Variants in PTPRT observed in about 807,000 individuals in gnomAD.
PTPRT encodes the protein receptor-type tyrosine-protein phosphatase T.
A neutral mutation model predicts 176.8 loss-of-function variants in PTPRT; 56 were observed. The ratio of observed to expected loss-of-function variants is 0.32; its 90% confidence interval spans 0.26 to 0.40. The LOEUF (loss-of-function observed/expected upper bound fraction) is 0.40, where lower values mean the gene tolerates loss of function less well. Ranked by LOEUF, PTPRT falls within the 10% of genes least tolerant of loss-of-function variation. PTPRT has a pLI of 1.00. For missense variants in PTPRT, 1,540 were observed against 1,908.2 expected (o/e 0.81, Z 3.60); for synonymous variants, 783 against 739.0 (o/e 1.06, Z -0.96).
At chr20:42,710,875 G>A (rs184573044) in intron 6 of PTPRT, among the ~76,000 whole-genome samples, 2 of 152,368 alleles carry the variant, frequency 1.3e-5, no homozygotes, top group East Asian at 3.9e-4. Context: ...GGACAGGAAT[G>A]CCCAAGGCCT....
chr20:42,316,606 T>C (rs921543899), intron 11 of PTPRT, among the ~76,000 whole-genome samples: 8 of 152,198 alleles, frequency 5.3e-5, no homozygotes, highest in East Asian at 1.9e-4. Flanking sequence ...AATTATACAA[T>C]CTGAACTCCT....
intron 7 of PTPRT, among the ~76,000 whole-genome samples, chr20:42,527,192 T>C (rs1270114512): frequency 6.6e-6 from 1 of 152,032 alleles, no homozygotes; most frequent in Non-Finnish European, 1.5e-5. Context: ...CTCTATCTCC[T>C]GACCTCGTGA....
At chr20:42,222,664 T>C (rs2055912286) in intron 15 of PTPRT, among the ~76,000 whole-genome samples, 1 of 152,372 alleles carries the variant, frequency 6.6e-6, no homozygotes, top group African/African-American at 2.4e-5. Flanking sequence ...GGTTCCTGGA[T>C]GGTGGTGCCC....
At chr20:42,363,278 A>G (rs1315877449) in intron 9 of PTPRT, among the ~76,000 whole-genome samples, 1 of 15,612 alleles carries the variant, frequency 6.4e-5, no homozygotes, top group African/African-American at 2.6e-4. Flanking sequence ...AATTATATAT[A>G]TATATATATA....
chr20:42,171,908 C>T (rs558166827), intron 16 of PTPRT, among the ~76,000 whole-genome samples: 5 of 152,008 alleles, frequency 3.3e-5, no homozygotes, highest in East Asian at 1.9e-4. Flanking sequence ...CCACTAAAGA[C>T]GAACTCATAG....
At chr20:42,408,873 T>G (rs2058986281) in intron 9 of PTPRT, among the ~76,000 whole-genome samples, 1 of 152,232 alleles carries the variant, frequency 6.6e-6, no homozygotes. Flanking sequence ...TGATAAGGGT[T>G]GCTCTGCGCT....
the PTPRT span, among the ~76,000 whole-genome samples, chr20:42,041,906 C>T: frequency 6.6e-6 from 1 of 152,184 alleles, no homozygotes; most frequent in Non-Finnish European, 1.5e-5. Flanking sequence ...CTAGCTCCTT[C>T]CTTCCTATGC....
chr20:42,631,806 C>G (rs936135916), intron 7 of PTPRT, among the ~76,000 whole-genome samples: 13 of 152,078 alleles, frequency 8.5e-5, no homozygotes, highest in African/African-American at 2.9e-4. Context: ...CAAGGTTAAC[C>G]CAGTGGACTT....
intron 9 of PTPRT, among the ~76,000 whole-genome samples, chr20:42,445,149 C>A (rs1413587631): frequency 6.6e-6 from 1 of 152,124 alleles, no homozygotes; most frequent in East Asian, 1.9e-4. Context: ...CAGAAAGGGG[C>A]AAGACATCTG....
intron 2 of PTPRT, among the ~76,000 whole-genome samples, chr20:42,800,455 G>A (rs925389816): frequency 6.6e-6 from 1 of 152,150 alleles, no homozygotes; most frequent in Non-Finnish European, 1.5e-5. Flanking sequence ...GAACAACAGG[G>A]CTGCTGGGAA....
chr20:42,437,510 T>C (rs2059272571), intron 9 of PTPRT, among the ~76,000 whole-genome samples: 1 of 152,152 alleles, frequency 6.6e-6, no homozygotes, highest in African/African-American at 2.4e-5. Context: ...AAGAAAGCAG[T>C]GAATTTTCTT....
chr20:42,976,149 T>C (rs1213414269), intron 1 of PTPRT, among the ~76,000 whole-genome samples: 21 of 152,200 alleles, frequency 1.4e-4, no homozygotes, highest in Admixed American at 1.4e-3. Flanking sequence ...GTGATGCTAA[T>C]GATCAGGATC....
At chr20:42,787,092 A>G (rs1310971051) in intron 3 of PTPRT, among the ~76,000 whole-genome samples, 2 of 152,214 alleles carry the variant, frequency 1.3e-5, no homozygotes, top group East Asian at 1.9e-4. Context: ...TGCAATAGAA[A>G]TTGTATGGCT....
chr20:43,188,287 C>T (rs994183711), intron 1 of PTPRT, among the ~76,000 whole-genome samples: 4 of 152,156 alleles, frequency 2.6e-5, no homozygotes, highest in African/African-American at 7.2e-5. Flanking sequence ...GCTAATCCAA[C>T]CTTTCAGCTT....
At chr20:42,300,331 G>A (rs1281603849) in intron 12 of PTPRT, among the ~76,000 whole-genome samples, 2 of 150,584 alleles carry the variant, frequency 1.3e-5, no homozygotes, top group Non-Finnish European at 2.9e-5. Context: ...TAGACAAAGA[G>A]CCTAGAATCA....
chr20:42,987,711 C>T (rs1313555988), intron 1 of PTPRT, among the ~76,000 whole-genome samples: 2 of 151,926 alleles, frequency 1.3e-5, no homozygotes, highest in Non-Finnish European at 2.9e-5. Flanking sequence ...TTTGCTTCCT[C>T]CAAGCCATCA....
rs535043393 is a variant in PTPRT at position 42,421,541 on chromosome 20, T to C, written c.1560+26679A>G. Among the ~76,000 whole-genome samples the C allele has an allele frequency of 4.6e-5, 7 of 152,122 alleles. No individual in the cohort carries two copies. In the South Asian group the frequency reaches 1.5e-3, roughly 32 times the overall value. ...GAGGTAGCACATGAGGGTGATGGGC[T>C]GACAGGGTGTGTGTGTGTGTTTGGG... On this transcript the variant is annotated intron_variant, in intron 9 of 30. Transcript: ENST00000373187.
intron 1 of PTPRT, among the ~76,000 whole-genome samples, chr20:42,912,881 T>C (rs1209955049): frequency 1.3e-5 from 2 of 152,224 alleles, no homozygotes; most frequent in South Asian, 2.1e-4. Context: ...TGCCTAAATA[T>C]ATCAGTATCA....
chr20:42,943,451 C>A (rs1172910299), intron 1 of PTPRT, among the ~76,000 whole-genome samples: 1 of 152,260 alleles, frequency 6.6e-6, no homozygotes, highest in East Asian at 1.9e-4. Flanking sequence ...ATGAGAAGAG[C>A]TGTCCACTGA....
Sources: gnomAD v4.1 joint callset for allele counts (sites outside exome capture counted in the v4.1 genomes callset) on GRCh38, gnomAD v4.1.1 for gene constraint, MANE v1.5 for transcripts, NCBI Gene and HGNC (gene_info 2026-07-23, HGNC 2026-07-21) for gene names.